BOC: variants seen among roughly 807,000 people sequenced by gnomAD.
The protein encoded by BOC is brother of CDO.
BOC carries 76 observed loss-of-function variants against 112.0 expected under a neutral mutation model. That is an observed-to-expected ratio of 0.68 (90% CI 0.56 to 0.82). The LOEUF is 0.82. BOC is among the 40% of genes least tolerant of loss of function. BOC has a pLI of 0.00. For missense variants in BOC, 1,309 were observed against 1,511.7 expected (o/e 0.87, Z 2.22); for synonymous variants, 580 against 599.8 (o/e 0.97, Z 0.48).
At chr3:113,283,791 G>A (rs77548357) in intron 16 of BOC, among the ~76,000 whole-genome samples, 159 bp downstream of exon 16, 77 of 151,892 alleles carry the variant, frequency 5.1e-4, no homozygotes, top group African/African-American at 1.7e-3. Flanking sequence ...CCCTCCCCCA[G>A]CTCACAGACC....
Position 113,283,647 on chromosome 3 carries a change from C to G in BOC, c.2656+15C>G. 6.2e-7 allele frequency: 1 copy of G among 1,607,446 alleles called. No individual in the cohort carries two copies. The highest frequency in any genetic ancestry group is 8.5e-7 in the Non-Finnish European group (1 of 1,174,626). ...GTCTAAGCAAAGTGAGTGAGTGACG[C>G]TTTCAGTGGGAGGATCCTGGGTGGG... is the stretch of plus-strand genomic sequence containing the variant. On this transcript the variant is annotated intron_variant, in intron 16 of 19. Coordinates refer to ENST00000682979, the MANE Select transcript of BOC (RefSeq NM_001378074.1).
At position 113,272,648 on chromosome 3, in the gene BOC, C is replaced by A. The variant is rs1159398626; in HGVS notation, c.906C>A (p.Asp302Glu). The part of the protein sequence containing the change: ...EDSGTYRCMA[D>E]NGVGQPGAAV... ...CAGGCACCTACCGCTGCATGGCCGA[C>A]AATGGGGTTGGGCAGCCCGGGGCAG... Residue 302 changes from aspartate to glutamate, a missense_variant, in exon 7 of 20, where the codon GAC (aspartate) becomes GAA (glutamate). Coordinates refer to ENST00000682979, the MANE Select transcript of BOC (RefSeq NM_001378074.1). The A allele has an allele frequency of 6.2e-7, 1 of 1,613,968 alleles. No homozygotes were observed. Among genetic ancestry groups the A allele is most frequent in the South Asian group, 1.1e-5 (1 of 91,064 alleles).
chr3:113,259,915 T>G (rs556543610), intron 4 of BOC, among the ~76,000 whole-genome samples: 17 of 152,280 alleles, frequency 1.1e-4, no homozygotes, highest in African/African-American at 4.1e-4. Context: ...TTCCTCTCCA[T>G]CTCCGTCCTC....
chr3:113,232,340 A>G (rs1267122043), intron 2 of BOC, among the ~76,000 whole-genome samples: 1 of 152,234 alleles, frequency 6.6e-6, no homozygotes, highest in Non-Finnish European at 1.5e-5. Context: ...AGCATGCTTC[A>G]GATTTCCAAA....
At position 113,274,801 on chromosome 3, in the gene BOC, C is replaced by T. The variant is rs549750399; in HGVS notation, c.1542+119C>T. The T allele has an allele frequency of 1.8e-4, 183 of 1,024,958 alleles. No individual in the cohort carries two copies. In the Admixed American group the frequency reaches 4.4e-3, roughly 25 times the overall value. The allele number at this position is 1,024,958 out of a possible 1,614,324, so 63.5% of individuals were successfully genotyped here. On this transcript the variant is annotated intron_variant, in intron 9 of 19. Coordinates refer to ENST00000682979, the MANE Select transcript of BOC (RefSeq NM_001378074.1). The surrounding 1 kb of genome is among the most constrained non-coding windows in gnomAD (Gnocchi z 4.8). ...TCCTGAAGCCTGAGCCGGTAATCCC[C>T]ACCACTAAACAGGCCCTTCTGTCTC... is the stretch of plus-strand genomic sequence containing the variant.
chr3:113,254,947 A>G (rs1224616551), intron 4 of BOC, among the ~76,000 whole-genome samples: 2 of 152,134 alleles, frequency 1.3e-5, no homozygotes, highest in Non-Finnish European at 2.9e-5. Flanking sequence ...GGTAAAATGG[A>G]GCCAGAGGTC....
intron 15 of BOC, 79 bp downstream of exon 15, chr3:113,281,232 C>A: frequency 6.6e-7 from 1 of 1,521,880 alleles, no homozygotes; most frequent in African/African-American, 1.4e-5. Flanking sequence ...TGTGCCTGTG[C>A]GGTGCTGGGC....
rs141324680 is a variant in BOC at position 113,283,568 on chromosome 3, C to A, written c.2592C>A (p.Gly864=). 1.2e-6 allele frequency: 2 copies of A among 1,613,752 alleles called. No homozygotes were observed. The change falls in exon 16 of 20, where the codon GGC becomes GGA. Residue 864 remains glycine (G), a synonymous_variant. Coordinates refer to ENST00000682979, the MANE Select transcript of BOC (RefSeq NM_001378074.1). ...ATCTGATTGTCGGGGTCGTCCTGGG[C>A]TCCATCGTTCTCATCATCGTCACCT... ...LPYLIVGVVL[G]SIVLIIVTFI...
Position 113,273,263 on chromosome 3 carries a change from G to T in BOC, c.1156G>T (p.Glu386Ter). 6.2e-7 allele frequency: 1 copy of T among 1,613,012 alleles called. No homozygotes were observed. Among genetic ancestry groups the T allele is most frequent in the Non-Finnish European group, 8.5e-7 (1 of 1,179,698 alleles). ...CGTGCTCAGCATGGGGCCTGAGGAC[G>T]AAGGCGTCTACCAGTGCATGGCCGA... ...LRVLSMGPED[E>*]GVYQCMAENE... Residue 386 changes from glutamate to a stop codon, truncating the protein, a stop_gained, in exon 8 of 20, where the codon GAA becomes TAA. Coordinates refer to ENST00000682979, the MANE Select transcript of BOC (RefSeq NM_001378074.1). LOFTEE classifies it high-confidence loss of function.
intron 14 of BOC, 44 bp downstream of exon 14, chr3:113,280,707 T>G (rs1310933460): frequency 6.8e-7 from 1 of 1,465,812 alleles, no homozygotes; most frequent in East Asian, 2.3e-5. Flanking sequence ...TGATATAGTT[T>G]CCTCCGCTGG....
At position 113,215,777 on chromosome 3, in the gene BOC, A is replaced by G. The variant is rs1193734926; in HGVS notation, c.-169-410A>G. On this transcript the variant is annotated intron_variant, in intron 1 of 19. Transcript: ENST00000682979. ...ACTTCAGTAGGAGCCACCTTCTCCA[A>G]TCTAGCAGCTGACCCTTGGTTTTTG... Among the ~76,000 whole-genome samples, 25 of 152,206 alleles carry G rather than the reference A, an allele frequency of 1.6e-4. 1 individual carries two copies. The highest frequency in any genetic ancestry group is 1.6e-3 in the Admixed American group (24 of 15,292).
Position 113,270,630 on chromosome 3 carries a change from T to A in BOC, c.524-171T>A, listed in dbSNP as rs904130600. Reference sequence around the variant, plus strand: ...CTCTGTCCTGCTTGTTGCAAGGTTTTATGGGGAGAACGGCATCTTAGGCTT... The same window carrying A: ...CTCTGTCCTGCTTGTTGCAAGGTTTAATGGGGAGAACGGCATCTTAGGCTT... On this transcript the variant is annotated intron_variant, in intron 5 of 19. Transcript: ENST00000682979. 4.2e-6 allele frequency: 3 copies of A among 706,418 alleles called. No individual in the cohort carries two copies. The Admixed American group carries it at 9.1e-5, about 21-fold the overall frequency. 43.8% of individuals were successfully genotyped at this position (706,418 alleles called of 1,614,324 possible).
chr3:113,232,092 A>G (rs1252361073), intron 2 of BOC, among the ~76,000 whole-genome samples: 2 of 152,068 alleles, frequency 1.3e-5, no homozygotes, highest in Admixed American at 6.5e-5. Flanking sequence ...GCAGGAGGCT[A>G]GAATTATCCC....
chr3:113,263,865 T>C (rs932537150), intron 4 of BOC, among the ~76,000 whole-genome samples: 1 of 152,260 alleles, frequency 6.6e-6, no homozygotes, highest in Non-Finnish European at 1.5e-5. Flanking sequence ...TATGTACCTT[T>C]GACAGTCTAA....
intron 6 of BOC, 168 bp from the exon 7 acceptor site, chr3:113,272,242 C>T (rs1316839895): frequency 1.1e-5 from 8 of 698,660 alleles, no homozygotes; most frequent in African/African-American, 3.6e-5. Flanking sequence ...CTGATAAGGA[C>T]ACCAAGCCCC....
At chr3:113,254,116 G>A (rs930852825) in intron 4 of BOC, among the ~76,000 whole-genome samples, 1 of 152,196 alleles carries the variant, frequency 6.6e-6, no homozygotes, top group Non-Finnish European at 1.5e-5. Context: ...TGGTGCTTGA[G>A]GGGATCTGTG....
At chr3:113,247,737 G>A (rs1300142294) in intron 2 of BOC, among the ~76,000 whole-genome samples, 3 of 152,116 alleles carry the variant, frequency 2.0e-5, no homozygotes, top group Admixed American at 2.0e-4. Flanking sequence ...CTGGAGTAGT[G>A]GCAGGCACCC....
intron 2 of BOC, among the ~76,000 whole-genome samples, chr3:113,216,930 G>A (rs773913421): frequency 1.3e-5 from 2 of 152,136 alleles, no homozygotes; most frequent in Non-Finnish European, 2.9e-5. Context: ...GGTGGGTAGG[G>A]TTGAAGAAAA....
chr3:113,277,394 C>T (rs1948769918), intron 9 of BOC, among the ~76,000 whole-genome samples: 1 of 152,198 alleles, frequency 6.6e-6, no homozygotes, highest in African/African-American at 2.4e-5. Flanking sequence ...GATTTGAACC[C>T]AGGACTTTGG....
Sources: gnomAD v4.1 joint callset for allele counts (sites outside exome capture counted in the v4.1 genomes callset) on GRCh38, gnomAD v4.1.1 for gene constraint, Gnocchi (gnomAD v3.1) non-coding constraint, MANE v1.5 for transcripts, NCBI Gene and HGNC (gene_info 2026-07-23, HGNC 2026-07-21) for gene names.